TAGLN3: variants seen among roughly 807,000 people sequenced by gnomAD.
The protein encoded by TAGLN3 is transgelin-3.
In TAGLN3, 12 loss-of-function variants were observed where a neutral mutation model predicts 25.4. That is an observed-to-expected ratio of 0.47 (90% CI 0.30 to 0.77). The LOEUF is 0.77. TAGLN3 is among the 30% of genes least tolerant of loss of function. The pLI is 0.06. For missense variants in TAGLN3, 218 were observed against 255.8 expected, an observed-to-expected ratio of 0.85 and a Z score of 1.01; for synonymous variants, 96 against 94.8, an observed-to-expected ratio of 1.01 and a Z score of -0.08.
chr3:112,004,582 C>T (rs2072896854), intron 3 of TAGLN3, among the ~76,000 whole-genome samples: 2 of 152,128 alleles, frequency 1.3e-5, no homozygotes, highest in East Asian at 3.8e-4. Context: ...CTTCTCTAAG[C>T]CTCGATTTTC....
At chr3:112,007,190 C>G (rs962666307) in intron 3 of TAGLN3, among the ~76,000 whole-genome samples, 7 of 152,180 alleles carry the variant, frequency 4.6e-5, no homozygotes, top group African/African-American at 7.2e-5. Flanking sequence ...ACAGCCTTCC[C>G]CATTATCAAC....
At chr3:112,012,966 GA>G (rs1320416661) in intron 4 of TAGLN3, among the ~76,000 whole-genome samples, 1 of 152,224 alleles carries the variant, frequency 6.6e-6, no homozygotes, top group East Asian at 1.9e-4. Flanking sequence ...AGCTGTGAGA[GA>G]AAGGGTAAGA....
At chr3:112,012,255 C>T (rs1205298357) in intron 4 of TAGLN3, among the ~76,000 whole-genome samples, 2 of 22,500 alleles carry the variant, frequency 8.9e-5, no homozygotes, top group South Asian at 7.1e-4. Context: ...TCCCTCCCTC[C>T]CTTCCTTCCT....
intron 3 of TAGLN3, among the ~76,000 whole-genome samples, chr3:112,010,798 GATC>G (rs2072968016): frequency 6.6e-6 from 1 of 152,202 alleles, no homozygotes; most frequent in Non-Finnish European, 1.5e-5. Flanking sequence ...AATAAATGAA[GATC>G]CTGAGCTGGA....
intron 4 of TAGLN3, among the ~76,000 whole-genome samples, chr3:112,012,534 G>A (rs1222964387): frequency 6.6e-6 from 1 of 151,350 alleles, no homozygotes; most frequent in Non-Finnish European, 1.5e-5. Flanking sequence ...CTTAAACTGG[G>A]TAATTTAGTT....
Position 111,999,427 on chromosome 3 carries a change from C to G in TAGLN3, c.5C>G (p.Ala2Gly). Reference sequence around the variant, plus strand: ...TGTCTTCTCTTCTTTCCAGAGATGGCTAACAGGGGCCCGAGCTATGGCTTA... The same window carrying G: ...TGTCTTCTCTTCTTTCCAGAGATGGGTAACAGGGGCCCGAGCTATGGCTTA... M[A>G]NRGPSYGLSR... is the part of the protein sequence containing the mutation. The change falls in exon 2 of 5, where the codon GCT becomes GGT. Residue 2 changes from alanine to glycine, a missense_variant. Transcript: ENST00000478951. 1.2e-6 allele frequency: 2 copies of G among 1,613,828 alleles called. No homozygotes were observed. Among genetic ancestry groups the G allele is most frequent in the Non-Finnish European group, 1.7e-6 (2 of 1,179,808 alleles).
intron 3 of TAGLN3, among the ~76,000 whole-genome samples, chr3:112,002,901 G>A (rs1411883459): frequency 2.0e-5 from 3 of 152,106 alleles, no homozygotes; most frequent in East Asian, 3.9e-4. Context: ...CCCCAGACCC[G>A]TGTGTTAGAC....
At chr3:112,013,275 G>A in intron 4 of TAGLN3, 135 bp from the exon 5 acceptor site, 1 of 1,166,878 alleles carries the variant, frequency 8.6e-7, no homozygotes, top group Non-Finnish European at 1.2e-6. Context: ...TAGGGCCATA[G>A]CTCATAACCA....
chr3:112,011,381 C>T (rs2072975298), intron 3 of TAGLN3, among the ~76,000 whole-genome samples: 1 of 152,232 alleles, frequency 6.6e-6, no homozygotes, highest in Admixed American at 6.5e-5. Flanking sequence ...GGCCCTATCA[C>T]TTGTGTCACA....
rs1182615193 is a variant in TAGLN3 at position 111,999,600 on chromosome 3, A to T, written c.178A>T (p.Thr60Ser). 23 of 1,612,758 alleles carry T rather than the reference A, an allele frequency of 1.4e-5. No individual in the cohort carries two copies. Among genetic ancestry groups the T allele is most frequent in the Non-Finnish European group, 1.8e-5 (21 of 1,179,108 alleles). The change falls in exon 2 of 5, where the codon ACG becomes TCG. Residue 60 changes from threonine to serine, a missense_variant and splice_region_variant. By Grantham distance (58) the Thr-to-Ser change is moderately conservative. Coordinates refer to ENST00000478951, the MANE Select transcript of TAGLN3 (RefSeq NM_001008272.2). ...AHFQKWLMDG[T>S]VLCKLINSLY... ...TTTTCAGAAATGGTTAATGGACGGG[A>T]CGGTAAGGCCGGCAGCGATCTCGGT...
intron 3 of TAGLN3, among the ~76,000 whole-genome samples, chr3:112,001,902 A>C (rs1174530125): frequency 1.3e-5 from 2 of 152,256 alleles, no homozygotes; most frequent in African/African-American, 4.8e-5. Flanking sequence ...ATAGATTTCT[A>C]GCAGAGGACC....
At chr3:111,999,383 A>G (rs1214409656) in intron 1 of TAGLN3, 38 bp from the exon 2 acceptor site, 32 of 1,602,284 alleles carry the variant, frequency 2.0e-5, no homozygotes, top group African/African-American at 2.7e-5. Context: ...TGCTGCTGCT[A>G]TTGTGTGGAT....
At chr3:112,008,836 C>T (rs1463735811) in intron 3 of TAGLN3, among the ~76,000 whole-genome samples, 1 of 152,140 alleles carries the variant, frequency 6.6e-6, no homozygotes, top group Non-Finnish European at 1.5e-5. Flanking sequence ...GTGTACTAGT[C>T]CATTTTTGTT....
In TAGLN3 at chr3:112,000,852, T is replaced by G. The variant is rs1189694308; in HGVS notation, c.261T>G (p.Phe87Leu). 6 of 1,614,218 alleles carry G rather than the reference T, an allele frequency of 3.7e-6. No homozygotes were observed. Among genetic ancestry groups the G allele is most frequent in the Non-Finnish European group, 4.2e-6 (5 of 1,180,026 alleles). Residue 87 changes from phenylalanine to leucine, a missense_variant, in exon 3 of 5, where the codon TTT (phenylalanine) becomes TTG (leucine). Phe to Leu is a conservative substitution (Grantham distance 22). Transcript: ENST00000478951. ...IPKISESKMA[F>L]KQMEQISQFL... ...AGATCTCAGAGTCAAAGATGGCTTT[T>G]AAGCAGATGGAGCAAATCTCCCAGT...
In TAGLN3 at chr3:112,013,595, C is replaced by A; in HGVS notation, c.*44C>A. ...TGGTAGAGAGGACGAATGTTCCACACCATGGTCTCTACGAAAAAGAAATAG... is the reference window on the plus strand; with the variant it reads ...TGGTAGAGAGGACGAATGTTCCACAACATGGTCTCTACGAAAAAGAAATAG... On this transcript the variant is annotated 3_prime_UTR_variant, in exon 5 of 5. Coordinates refer to ENST00000478951, the MANE Select transcript of TAGLN3 (RefSeq NM_001008272.2). 4 of 1,613,288 alleles carry A rather than the reference C, an allele frequency of 2.5e-6. No individual in the cohort carries two copies. The highest frequency in any genetic ancestry group is 3.4e-6 in the Non-Finnish European group (4 of 1,179,436).
At chr3:112,000,621 C>A in intron 2 of TAGLN3, 151 bp from the exon 3 acceptor site, 1 of 753,696 alleles carries the variant, frequency 1.3e-6, no homozygotes, top group Non-Finnish European at 2.2e-6. Flanking sequence ...AGCCTGGCTA[C>A]ACAGCCCAGA....
intron 3 of TAGLN3, among the ~76,000 whole-genome samples, chr3:112,005,058 A>G (rs1472031879): frequency 6.6e-6 from 1 of 152,170 alleles, no homozygotes; most frequent in Non-Finnish European, 1.5e-5. Context: ...AGACCCCACT[A>G]CACTGGAAAG....
intron 3 of TAGLN3, among the ~76,000 whole-genome samples, chr3:112,010,900 C>T (rs1374275028): frequency 6.6e-6 from 1 of 152,192 alleles, no homozygotes; most frequent in Non-Finnish European, 1.5e-5. Flanking sequence ...ATTCTGTATT[C>T]CCCAGAGACT....
At chr3:112,002,624 T>C (rs756041797) in intron 3 of TAGLN3, among the ~76,000 whole-genome samples, 36 of 146,370 alleles carry the variant, frequency 2.5e-4, no homozygotes, top group Non-Finnish European at 4.0e-4. Context: ...TCAGTGTGAA[T>C]GGAAGGGACC....
Sources: gnomAD v4.1 joint callset for allele counts (sites outside exome capture counted in the v4.1 genomes callset) on GRCh38, gnomAD v4.1.1 for gene constraint, MANE v1.5 for transcripts, NCBI Gene and HGNC (gene_info 2026-07-23, HGNC 2026-07-21) for gene names.